Variants in ACYP2 observed in about 807,000 individuals in gnomAD.
ACYP2 encodes acylphosphatase-2.
ACYP2 carries 12 observed loss-of-function variants against 11.2 expected under a neutral mutation model. The ratio of observed to expected loss-of-function variants is 1.08; its 90% CI spans 0.69 to 1.74. ACYP2 has a LOEUF of 1.74. Ranked by LOEUF, ACYP2 falls within the 40% of genes most tolerant of loss-of-function variation. The probability of loss-of-function intolerance (pLI) is 0.00; values close to 1 mark genes in which losing one functional copy is unlikely to be tolerated. For missense variants in ACYP2, 134 were observed against 101.9 expected (o/e 1.31, Z -1.35); for synonymous variants, 43 against 32.2 (o/e 1.33, Z -1.13).
intron 4 of ACYP2, among the ~76,000 whole-genome samples, chr2:54,117,061 C>T (rs1386896808): frequency 6.6e-6 from 1 of 151,824 alleles, no homozygotes; most frequent in Non-Finnish European, 1.5e-5. Context: ...AAACTAGAGG[C>T]GAGGAGAACG....
intron 1 of ACYP2, among the ~76,000 whole-genome samples, chr2:53,971,581 T>C (rs1032430732): frequency 2.0e-5 from 3 of 152,168 alleles, no homozygotes; most frequent in African/African-American, 4.8e-5. Context: ...GTTTAGGCTA[T>C]TGAGATAGAA....
intron 6 of ACYP2, among the ~76,000 whole-genome samples, chr2:54,233,003 A>C (rs576713130): frequency 6.6e-6 from 1 of 152,116 alleles, no homozygotes; most frequent in South Asian, 2.1e-4. Flanking sequence ...TTTCTTTTAA[A>C]ATTTTTTTAT....
chr2:54,230,519 G>A (rs933986364), intron 6 of ACYP2, among the ~76,000 whole-genome samples: 1 of 151,880 alleles, frequency 6.6e-6, no homozygotes, highest in Non-Finnish European at 1.5e-5. Flanking sequence ...TATGCGCCTG[G>A]CCACACCCGG....
At chr2:54,287,416 T>C (rs910344743) in intron 6 of ACYP2, among the ~76,000 whole-genome samples, 2 of 151,954 alleles carry the variant, frequency 1.3e-5, no homozygotes, top group African/African-American at 4.9e-5. Flanking sequence ...CATATGAAAT[T>C]TGGGGGATAC....
intron 3 of ACYP2, among the ~76,000 whole-genome samples, chr2:54,056,550 C>A (rs1676163473): frequency 6.6e-6 from 1 of 152,122 alleles, no homozygotes; most frequent in Admixed American, 6.6e-5. Flanking sequence ...TCAAATGGAA[C>A]CTCTTTGTAT....
intron 3 of ACYP2, chr2:54,051,799 C>A: frequency 2.5e-6 from 1 of 402,040 alleles, no homozygotes; most frequent in African/African-American, 2.1e-5. Context: ...AATCCCGGCA[C>A]TTTGGGAGGC....
At chr2:54,116,853 C>T (rs949875596) in intron 4 of ACYP2, among the ~76,000 whole-genome samples, 4 of 152,084 alleles carry the variant, frequency 2.6e-5, no homozygotes, top group Admixed American at 6.6e-5. Context: ...AAGCTAATTC[C>T]GACTGGCTAT....
intron 2 of ACYP2, among the ~76,000 whole-genome samples, chr2:53,991,046 TG>T (rs1672266714): frequency 6.6e-6 from 1 of 152,226 alleles, no homozygotes; most frequent in South Asian, 2.1e-4. Context: ...TCCGCCCGCC[TG>T]GGACTCCCAA....
At chr2:54,125,588 A>G (rs1184748332) in intron 4 of ACYP2, among the ~76,000 whole-genome samples, 2 of 151,938 alleles carry the variant, frequency 1.3e-5, no homozygotes, top group South Asian at 4.1e-4. Flanking sequence ...TGTCTCTACT[A>G]AAAATACAAA....
At chr2:54,163,609 C>G (rs1682824707) in intron 6 of ACYP2, among the ~76,000 whole-genome samples, 1 of 152,098 alleles carries the variant, frequency 6.6e-6, no homozygotes, top group South Asian at 2.1e-4. Context: ...AATCCCAGCA[C>G]TTTGGGAGGC....
chr2:54,135,470 G>GT lies in ACYP2; in HGVS notation c.294+2dup. The GT allele has an allele frequency of 1.2e-6, 2 of 1,606,542 alleles. No individual in the cohort carries two copies. Among genetic ancestry groups the GT allele is most frequent in the Non-Finnish European group, 1.7e-6 (2 of 1,176,060 alleles). ...TTATACAGGTGTTTGCTTCAGAATG[G>GT]TAAGTCAGTACAATCTTTATTATTT... is the stretch of plus-strand genomic sequence containing the variant. On this transcript the variant is annotated splice_donor_variant, in intron 5 of 6. Transcript: ENST00000607452. LOFTEE classifies it high-confidence loss of function.
chr2:54,132,524 G>A lies in ACYP2; in HGVS notation c.278-2929G>A, dbSNP rs1003766442. ...ACTACCATCAGGAAACTATAAATCT[G>A]CTTACAAAACTGCATAAAATATCTA... On this transcript the variant is annotated intron_variant, in intron 4 of 6. Coordinates refer to ENST00000607452, the MANE Select transcript of ACYP2 (RefSeq NM_001320586.2). 2.6e-5 allele frequency among the ~76,000 whole-genome samples: 4 copies of A among 152,040 alleles called. No individual in the cohort carries two copies. In the South Asian group the frequency reaches 6.2e-4, roughly 24 times the overall value.
chr2:54,296,508 G>T (rs776831635), intron 6 of ACYP2, among the ~76,000 whole-genome samples: 1 of 152,102 alleles, frequency 6.6e-6, no homozygotes, highest in Non-Finnish European at 1.5e-5. Flanking sequence ...TTAACGCAAA[G>T]GTGGGCTGAG....
At chr2:54,262,973 A>G (rs1434869654) in intron 6 of ACYP2, among the ~76,000 whole-genome samples, 2 of 152,208 alleles carry the variant, frequency 1.3e-5, no homozygotes, top group East Asian at 3.8e-4. Context: ...TGATGCCAGC[A>G]CTATGGGGGG....
chr2:54,184,195 C>T (rs1683872635), intron 6 of ACYP2, among the ~76,000 whole-genome samples: 1 of 152,082 alleles, frequency 6.6e-6, no homozygotes, highest in African/African-American at 2.4e-5. Context: ...CATTTAGAAA[C>T]AGTAATTTTT....
chr2:54,228,199 T>C (rs73934409), intron 6 of ACYP2, among the ~76,000 whole-genome samples: 2,712 of 152,306 alleles, frequency 0.018, 92 homozygotes, highest in African/African-American at 0.061. Context: ...CATTTAAGTA[T>C]GGAAGTGGAT....
chr2:54,080,260 T>G (rs573014690), intron 4 of ACYP2: 3 of 152,528 alleles, frequency 2.0e-5, no homozygotes, highest in African/African-American at 7.2e-5. Context: ...ACACCATTGT[T>G]TCTTCTTTTC....
At chr2:54,156,275 T>A (rs1273548788) in intron 6 of ACYP2, among the ~76,000 whole-genome samples, 1 of 152,196 alleles carries the variant, frequency 6.6e-6, no homozygotes, top group Non-Finnish European at 1.5e-5. Context: ...TATATTTTAT[T>A]TAAGTTCCAG....
intron 6 of ACYP2, among the ~76,000 whole-genome samples, chr2:54,226,774 T>C (rs1686028887): frequency 6.6e-6 from 1 of 152,208 alleles, no homozygotes. Flanking sequence ...CAAATCAACA[T>C]TTATCAGTAA....
Sources: allele counts gnomAD v4.1 joint callset (sites outside exome capture counted in the v4.1 genomes callset), GRCh38; gene constraint gnomAD v4.1.1; transcripts MANE v1.5; gene names NCBI Gene and HGNC (gene_info 2026-07-23, HGNC 2026-07-21).